The following RADX variants were observed in gnomAD, a reference collection of about 807,000 sequenced individuals.
RADX encodes RPA-related protein RADX.
A neutral mutation model predicts 61.6 loss-of-function variants in RADX; 36 were observed. The ratio of observed to expected loss-of-function variants is 0.58; its 90% CI spans 0.45 to 0.77. RADX has a LOEUF of 0.77. Ranked by LOEUF, RADX falls within the 30% of genes least tolerant of loss-of-function variation. The probability of loss-of-function intolerance (pLI) is 0.00; values close to 1 mark genes in which losing one functional copy is unlikely to be tolerated. For missense variants in RADX, 497 were observed against 651.1 expected, an observed-to-expected ratio of 0.76 and a Z score of 2.58; for synonymous variants, 272 against 237.9, an observed-to-expected ratio of 1.14 and a Z score of -1.32.
intron 3 of RADX, among the ~76,000 whole-genome samples, chrX:106,625,928 A>G (rs1241427877): frequency 1.8e-5 from 2 of 111,409 alleles, no homozygotes; most frequent in African/African-American, 3.3e-5. Context: ...AGAGCATTCT[A>G]TTACATAATC....
intron 13 of RADX, among the ~76,000 whole-genome samples, chrX:106,670,630 A>ATGT (rs1436301524): frequency 1.9e-5 from 2 of 108,025 alleles, no homozygotes; most frequent in Non-Finnish European, 3.8e-5. Flanking sequence ...TAGCATTAAT[A>ATGT]ATAATATGTA....
At chrX:106,649,670 A>G (rs1927747892) in intron 11 of RADX, among the ~76,000 whole-genome samples, 2 of 111,642 alleles carry the variant, frequency 1.8e-5, no homozygotes, top group Non-Finnish European at 3.8e-5. Flanking sequence ...TTCCTATTCC[A>G]TGCTGTTTTG....
intron 12 of RADX, among the ~76,000 whole-genome samples, chrX:106,663,322 T>A (rs1350909308): frequency 1.8e-5 from 2 of 111,379 alleles, no homozygotes; most frequent in Non-Finnish European, 3.8e-5. Context: ...TGTGAGTATG[T>A]ATGTAATCTA....
chrX:106,658,198 TTGAG>T (rs766894603), intron 11 of RADX, among the ~76,000 whole-genome samples: 17 of 111,856 alleles, frequency 1.5e-4, no homozygotes, highest in Non-Finnish European at 3.0e-4. Context: ...AAAAGAAAAC[TTGAG>T]TGTCTACACT....
At chrX:106,673,744 C>T (rs1395048841) in intron 13 of RADX, among the ~76,000 whole-genome samples, 1 of 104,874 alleles carries the variant, frequency 9.5e-6, no homozygotes, top group African/African-American at 3.5e-5. Flanking sequence ...CACTAGGACT[C>T]TCCTAGGAGC....
chrX:106,645,069 T>C (rs1927623770), intron 10 of RADX, among the ~76,000 whole-genome samples: 1 of 111,445 alleles, frequency 9.0e-6, no homozygotes, highest in Non-Finnish European at 1.9e-5. Flanking sequence ...TTGTACATAG[T>C]AGCCACTAAT....
At chrX:106,677,499 A>C (rs1455326523) in intron 13 of RADX, among the ~76,000 whole-genome samples, 4 of 91,702 alleles carry the variant, frequency 4.4e-5, no homozygotes, top group African/African-American at 8.0e-5. Flanking sequence ...CACCTGATCC[A>C]TTTTTTTTTT....
intron 6 of RADX, among the ~76,000 whole-genome samples, chrX:106,633,532 C>T (rs181438962): frequency 3.6e-4 from 40 of 111,347 alleles, no homozygotes; most frequent in Middle Eastern, 4.7e-3. Context: ...TAAAAAAATC[C>T]TTAAATTTCA....
chrX:106,613,222 A>G (rs1051898281), intron 1 of RADX, among the ~76,000 whole-genome samples: 5 of 112,169 alleles, frequency 4.5e-5, no homozygotes, highest in South Asian at 3.7e-4. Flanking sequence ...AATACTTTAC[A>G]TTGATTGAAA....
intron 6 of RADX, 89 bp downstream of exon 6, chrX:106,633,341 G>T: frequency 1.3e-6 from 1 of 768,030 alleles, no homozygotes; most frequent in Non-Finnish European, 1.9e-6. Flanking sequence ...CAGAAGTAGG[G>T]TGACATTGAG....
At chrX:106,670,114 G>A (rs906357197) in intron 13 of RADX, among the ~76,000 whole-genome samples, 1 of 111,424 alleles carries the variant, frequency 9.0e-6, no homozygotes, top group Non-Finnish European at 1.9e-5. Context: ...TGTGCCTGAT[G>A]ACAAAGTAAT....
intron 6 of RADX, among the ~76,000 whole-genome samples, chrX:106,635,439 A>G (rs767478960): frequency 6.4e-4 from 72 of 111,747 alleles, no homozygotes; most frequent in African/African-American, 2.2e-3. Flanking sequence ...AACACGTAAC[A>G]TGAGATCTAC....
chrX:106,622,688 C>T lies in RADX; in HGVS notation c.681C>T (p.Thr227=). ...TTTCCCTTTCTCATCTTGAAATGACCTGGACTAACAGAAGAAATTTTCCTG... is the reference window on the plus strand; with the variant it reads ...TTTCCCTTTCTCATCTTGAAATGACTTGGACTAACAGAAGAAATTTTCCTG... ...KIISLSHLEM[T]WTNRRNFPAL... The change falls in exon 2 of 14, where the codon ACC becomes ACT. Residue 227 remains threonine, a synonymous_variant. Coordinates refer to ENST00000372548, the MANE Select transcript of RADX (RefSeq NM_018015.6). The T allele has an allele frequency of 8.5e-7, 1 of 1,169,688 alleles. No homozygotes were observed. Among genetic ancestry groups the T allele is most frequent in the Non-Finnish European group, 1.2e-6 (1 of 864,019 alleles).
chrX:106,655,659 A>G (rs1262040394), intron 11 of RADX, among the ~76,000 whole-genome samples: 1 of 110,752 alleles, frequency 9.0e-6, no homozygotes, highest in African/African-American at 3.3e-5. Context: ...TGTCCTTAAA[A>G]AGGACATGAA....
intron 9 of RADX, among the ~76,000 whole-genome samples, chrX:106,640,101 G>A (rs1330010932): frequency 1.8e-5 from 2 of 108,460 alleles, no homozygotes; most frequent in Non-Finnish European, 3.8e-5. Context: ...CTTTTGTCCA[G>A]GCCAGTACTA....
At chrX:106,633,806 A>T (rs182001789) in intron 6 of RADX, among the ~76,000 whole-genome samples, 2 of 111,807 alleles carry the variant, frequency 1.8e-5, no homozygotes, top group Non-Finnish European at 3.8e-5. Flanking sequence ...ATTCATTCAG[A>T]TATAAAAGTA....
chrX:106,627,921 C>T (rs1927111720), intron 3 of RADX, among the ~76,000 whole-genome samples: 2 of 111,691 alleles, frequency 1.8e-5, no homozygotes, highest in Non-Finnish European at 3.8e-5. Context: ...CTGCAACCTC[C>T]ACCTCCTGGG....
At chrX:106,615,462 T>C (rs1926779862) in intron 1 of RADX, among the ~76,000 whole-genome samples, 1 of 111,670 alleles carries the variant, frequency 9.0e-6, no homozygotes, top group African/African-American at 3.3e-5. Flanking sequence ...TTCTTTTTGA[T>C]CCTCAAACCT....
chrX:106,657,351 A>G (rs1235697028), intron 11 of RADX, among the ~76,000 whole-genome samples: 4 of 112,242 alleles, frequency 3.6e-5, no homozygotes, highest in African/African-American at 1.3e-4. Context: ...ATGATATTCT[A>G]TTCAGACCAC....
Sources: allele counts gnomAD v4.1 joint callset (sites outside exome capture counted in the v4.1 genomes callset), GRCh38; gene constraint gnomAD v4.1.1; transcripts MANE v1.5; gene names NCBI Gene and HGNC (gene_info 2026-07-23, HGNC 2026-07-21).